The following CD2AP variants were observed in gnomAD, a reference collection of about 807,000 sequenced individuals.
The protein encoded by CD2AP is CD2-associated protein.
In CD2AP, 46 loss-of-function variants were observed where a neutral mutation model predicts 85.1. The ratio of observed to expected loss-of-function variants is 0.54; its 90% CI spans 0.43 to 0.69. The LOEUF (loss-of-function observed/expected upper bound fraction) is 0.69, where lower values mean the gene tolerates loss of function less well. Ranked by LOEUF, CD2AP falls within the 30% of genes least tolerant of loss-of-function variation. The pLI, the probability that CD2AP is intolerant of heterozygous loss-of-function variation, is 0.00. For synonymous variants in CD2AP, 255 were observed against 252.9 expected, an observed-to-expected ratio of 1.01 and a Z score of -0.08; for missense variants, 769 against 729.5, an observed-to-expected ratio of 1.05 and a Z score of -0.62.
At chr6:47,562,628 G>T (rs1322661915) in intron 5 of CD2AP, 9 of 474,404 alleles carry the variant, frequency 1.9e-5, no homozygotes, top group Non-Finnish European at 3.1e-5. Flanking sequence ...GGTAGAAGAG[G>T]GTATTGTTGC....
chr6:47,601,101 T>C (rs1769117011), intron 13 of CD2AP, among the ~76,000 whole-genome samples: 1 of 151,920 alleles, frequency 6.6e-6, no homozygotes, highest in African/African-American at 2.4e-5. Flanking sequence ...TTTTCCTATA[T>C]AGTGTCACAA....
Position 47,477,998 on chromosome 6 carries a change from T to G in CD2AP, c.-247T>G. On this transcript the variant is annotated 5_prime_UTR_variant, in exon 1 of 18. Transcript: ENST00000359314. ...GCGGGGTAGGGCCCTCCCGCCGCCG[T>G]GGCTCCTGGGGAGGCCAGGGGTGAG... The G allele has an allele frequency of 3.5e-6, 2 of 571,916 alleles. No homozygotes were observed. The highest frequency in any genetic ancestry group is 3.1e-5 in the Admixed American group (1 of 31,896). 35.4% of individuals were successfully genotyped at this position (571,916 alleles called of 1,614,324 possible).
chr6:47,609,352 A>C lies in CD2AP; in HGVS notation c.1814+48A>C, dbSNP rs554773115. Reference sequence around the variant, plus strand: ...TGTGAGTACTACTTAACCCATGCATAAAGAATTTTTTTCAAACCATATTAA... The same window carrying C: ...TGTGAGTACTACTTAACCCATGCATCAAGAATTTTTTTCAAACCATATTAA... On this transcript the variant is annotated intron_variant, in intron 16 of 17. Coordinates refer to ENST00000359314, the MANE Select transcript of CD2AP (RefSeq NM_012120.3). 11 of 1,453,224 alleles carry C rather than the reference A, an allele frequency of 7.6e-6. No individual in the cohort carries two copies. In the South Asian group the frequency reaches 1.0e-4, roughly 14 times the overall value. 90.0% of individuals were successfully genotyped at this position (1,453,224 alleles called of 1,614,324 possible).
Position 47,624,095 on chromosome 6 carries a change from A to T in CD2AP, c.1879-91A>T, listed in dbSNP as rs570101682. 46 of 1,069,630 alleles carry T rather than the reference A, an allele frequency of 4.3e-5. No homozygotes were observed. In the African/African-American group the frequency reaches 5.5e-4, roughly 13 times the overall value. 66.3% of individuals were successfully genotyped at this position (1,069,630 alleles called of 1,614,324 possible). ...TCTGGAAAAAAAGTCTGAAGGCTTG[A>T]AAGTATGATCACATCTTAATGACAT... On this transcript the variant is annotated intron_variant, in intron 17 of 17. Transcript: ENST00000359314.
intron 17 of CD2AP, among the ~76,000 whole-genome samples, chr6:47,612,950 T>A (rs1234038759): frequency 6.6e-6 from 1 of 152,192 alleles, no homozygotes; most frequent in Non-Finnish European, 1.5e-5. Flanking sequence ...TCAACTAAGT[T>A]TATATTTTGT....
chr6:47,616,810 T>C (rs767222807), intron 17 of CD2AP, among the ~76,000 whole-genome samples: 23 of 152,288 alleles, frequency 1.5e-4, no homozygotes, highest in Admixed American at 5.2e-4. Context: ...GCATCTTAGG[T>C]TAGGTTTACT....
At chr6:47,584,542 C>T (rs960434266) in intron 11 of CD2AP, among the ~76,000 whole-genome samples, 1 of 151,982 alleles carries the variant, frequency 6.6e-6, no homozygotes, top group Non-Finnish European at 1.5e-5. Context: ...TAACTGACCC[C>T]CCGATTACAT....
chr6:47,532,510 G>A (rs1285080909), intron 2 of CD2AP, among the ~76,000 whole-genome samples: 4 of 151,676 alleles, frequency 2.6e-5, no homozygotes, highest in East Asian at 1.9e-4. Flanking sequence ...AATATGGAAC[G>A]TTTTTCTTGC....
intron 4 of CD2AP, among the ~76,000 whole-genome samples, chr6:47,551,162 G>C (rs972958394): frequency 6.6e-6 from 1 of 151,076 alleles, no homozygotes; most frequent in Non-Finnish European, 1.5e-5. Context: ...TAACACCACC[G>C]GTTCCCCAAT....
At position 47,612,524 on chromosome 6, in the gene CD2AP, A is replaced by G. The variant is rs779485362; in HGVS notation, c.1866A>G (p.Arg622=). ...RKDLEEEKTM[R]SNLEMEIEKL... The stretch of plus-strand genomic sequence containing the variant: ...ATTTGGAAGAAGAGAAGACAATGAG[A>G]AGTAATCTAGAGGTAATTAATTTCT... The change falls in exon 17 of 18, where the codon AGA becomes AGG. Residue 622 remains arginine, a synonymous_variant. Coordinates refer to ENST00000359314, the MANE Select transcript of CD2AP (RefSeq NM_012120.3). 1.9e-6 allele frequency: 3 copies of G among 1,607,026 alleles called. No homozygotes were observed. In the African/African-American group the frequency reaches 4.0e-5, roughly 21 times the overall value.
At chr6:47,616,044 A>G (rs1769575459) in intron 17 of CD2AP, among the ~76,000 whole-genome samples, 1 of 143,946 alleles carries the variant, frequency 6.9e-6, no homozygotes, top group Non-Finnish European at 1.5e-5. Context: ...CAGCCTCCCA[A>G]AGTGCTGGAA....
intron 5 of CD2AP, among the ~76,000 whole-genome samples, chr6:47,571,048 A>G (rs1768137558): frequency 6.6e-6 from 1 of 152,068 alleles, no homozygotes; most frequent in African/African-American, 2.4e-5. Flanking sequence ...TATGGCCTTA[A>G]TCAAATACTC....
At chr6:47,516,857 A>G (rs1171732314) in intron 2 of CD2AP, among the ~76,000 whole-genome samples, 1 of 152,210 alleles carries the variant, frequency 6.6e-6, no homozygotes, top group African/African-American at 2.4e-5. Flanking sequence ...TTAAAGTTAG[A>G]TCATAGCATA....
At chr6:47,516,052 C>G (rs1009827980) in intron 2 of CD2AP, among the ~76,000 whole-genome samples, 1 of 152,134 alleles carries the variant, frequency 6.6e-6, no homozygotes, top group African/African-American at 2.4e-5. Context: ...GCCTCTATCC[C>G]TGGAAATTTT....
At chr6:47,546,989 A>G (rs1299048519) in intron 4 of CD2AP, among the ~76,000 whole-genome samples, 1 of 152,242 alleles carries the variant, frequency 6.6e-6, no homozygotes, top group African/African-American at 2.4e-5. Flanking sequence ...AGAATTCACT[A>G]CTACGAAGCC....
At chr6:47,616,266 G>T (rs1441707574) in intron 17 of CD2AP, among the ~76,000 whole-genome samples, 4 of 151,252 alleles carry the variant, frequency 2.6e-5, no homozygotes, top group African/African-American at 9.7e-5. Context: ...TAATTTTTTT[G>T]TATTTTTAAC....
intron 12 of CD2AP, among the ~76,000 whole-genome samples, chr6:47,598,333 G>A (rs1049799664): frequency 5.3e-5 from 8 of 151,034 alleles, no homozygotes; most frequent in Non-Finnish European, 1.2e-4. Context: ...ACTATGGAAA[G>A]CAGTGTGGAG....
At chr6:47,543,180 A>AAAG (rs1767275943) in intron 3 of CD2AP, among the ~76,000 whole-genome samples, 2 of 141,188 alleles carry the variant, frequency 1.4e-5, no homozygotes, top group African/African-American at 2.5e-5. Flanking sequence ...AAAGAAAAAG[A>AAAG]AAAAAGAAAA....
At chr6:47,481,337 TG>T (rs1765438271) in intron 1 of CD2AP, among the ~76,000 whole-genome samples, 1 of 152,042 alleles carries the variant, frequency 6.6e-6, no homozygotes, top group Non-Finnish European at 1.5e-5. Flanking sequence ...CATGTGGTGG[TG>T]TTTTTTTGTT....
Sources: gnomAD v4.1 joint callset for allele counts (sites outside exome capture counted in the v4.1 genomes callset) on GRCh38, gnomAD v4.1.1 for gene constraint, MANE v1.5 for transcripts, NCBI Gene and HGNC (gene_info 2026-07-23, HGNC 2026-07-21) for gene names.